The following OSMR variants were observed in gnomAD, a reference collection of about 807,000 sequenced individuals.
The protein encoded by OSMR is oncostatin-M-specific receptor subunit beta.
OSMR carries 81 observed loss-of-function variants against 99.9 expected under a neutral mutation model. That is an observed-to-expected ratio of 0.81 (90% CI 0.68 to 0.97). OSMR has a LOEUF of 0.97. Ranked by LOEUF, OSMR falls within the 50% of genes least tolerant of loss-of-function variation. The pLI is 0.00. For synonymous variants in OSMR, 406 were observed against 410.4 expected, an observed-to-expected ratio of 0.99 and a Z score of 0.13; for missense variants, 1,099 against 1,153.4, an observed-to-expected ratio of 0.95 and a Z score of 0.68.
At chr5:38,927,900 C>A (rs943056310) in intron 15 of OSMR, among the ~76,000 whole-genome samples, 9 of 152,160 alleles carry the variant, frequency 5.9e-5, no homozygotes, top group Non-Finnish European at 1.2e-4. Flanking sequence ...GTAGAAATTT[C>A]TTCTGCCAGA....
At chr5:38,847,156 A>G (rs1739910787) in intron 1 of OSMR, among the ~76,000 whole-genome samples, 1 of 152,240 alleles carries the variant, frequency 6.6e-6, no homozygotes, top group Non-Finnish European at 1.5e-5. Context: ...GCTAGAAGGA[A>G]TTCTGATGGA....
intron 1 of OSMR, among the ~76,000 whole-genome samples, chr5:38,866,243 C>A (rs766291140): frequency 3.9e-5 from 6 of 152,148 alleles, no homozygotes; most frequent in Non-Finnish European, 7.4e-5. Flanking sequence ...TGAATGCTAG[C>A]TGTGGTAGGT....
intron 9 of OSMR, among the ~76,000 whole-genome samples, chr5:38,905,305 A>C (rs1002982202): frequency 2.0e-5 from 3 of 152,104 alleles, no homozygotes; most frequent in Non-Finnish European, 4.4e-5. Context: ...CCTGACCAAC[A>C]TGGTGAAACC....
intron 7 of OSMR, among the ~76,000 whole-genome samples, chr5:38,896,458 G>C (rs1056910972): frequency 6.6e-6 from 1 of 151,608 alleles, no homozygotes; most frequent in Non-Finnish European, 1.5e-5. Context: ...TTTTGCTGTT[G>C]GCATATAGGA....
chr5:38,856,715 C>T (rs916851674), intron 1 of OSMR, among the ~76,000 whole-genome samples: 4 of 152,154 alleles, frequency 2.6e-5, no homozygotes, highest in South Asian at 4.2e-4. Flanking sequence ...GATCATGGCT[C>T]ACTGCACCCT....
chr5:38,888,479 A>G (rs895110524), intron 7 of OSMR, among the ~76,000 whole-genome samples: 2 of 152,154 alleles, frequency 1.3e-5, no homozygotes, highest in African/African-American at 2.4e-5. Flanking sequence ...CAAGACAGGA[A>G]ACATTTCTGG....
intron 1 of OSMR, among the ~76,000 whole-genome samples, chr5:38,852,765 C>G (rs1472345449): frequency 9.8e-6 from 1 of 101,550 alleles, no homozygotes; most frequent in African/African-American, 3.9e-5. Flanking sequence ...GAGTCTCACT[C>G]TTTCGCCCAA....
intron 1 of OSMR, among the ~76,000 whole-genome samples, chr5:38,863,539 G>GA (rs898422485): frequency 2.0e-4 from 30 of 151,396 alleles, no homozygotes; most frequent in East Asian, 5.8e-4. Context: ...TTGTTTCAAA[G>GA]AAAAAAAAAT....
chr5:38,859,658 G>T (rs373036262), intron 1 of OSMR, among the ~76,000 whole-genome samples: 1 of 152,200 alleles, frequency 6.6e-6, no homozygotes, highest in African/African-American at 2.4e-5. Flanking sequence ...TTTTGATAGG[G>T]ATTGCATTGA....
intron 9 of OSMR, among the ~76,000 whole-genome samples, chr5:38,905,706 C>T (rs536195953): frequency 6.6e-6 from 1 of 152,190 alleles, no homozygotes; most frequent in Non-Finnish European, 1.5e-5. Flanking sequence ...CAGCCTGACA[C>T]CAGAGCTCCA....
chr5:38,935,877 G>A (rs892254433), downstream of OSMR, among the ~76,000 whole-genome samples: 3 of 152,120 alleles, frequency 2.0e-5, no homozygotes, highest in Non-Finnish European at 4.4e-5. Flanking sequence ...AAGTCTTTCT[G>A]AAATATAACA....
chr5:38,857,381 T>A (rs1740934666), intron 1 of OSMR, among the ~76,000 whole-genome samples: 2 of 152,154 alleles, frequency 1.3e-5, no homozygotes. Flanking sequence ...TCAAAGTGAG[T>A]GTCATTTTGG....
intron 1 of OSMR, among the ~76,000 whole-genome samples, chr5:38,864,970 C>G (rs781630404): frequency 2.0e-5 from 3 of 152,302 alleles, no homozygotes; most frequent in African/African-American, 4.8e-5. Context: ...CTTTCTCTCT[C>G]TGTCTGTCGC....
At position 38,924,497 on chromosome 5, in the gene OSMR, C is replaced by T. The variant is rs1041849638; in HGVS notation, c.1946C>T (p.Ser649Phe). Residue 649 changes from serine (S) to phenylalanine (F), a missense_variant, in exon 14 of 18, where the codon TCT (serine) becomes TTT (phenylalanine). Transcript: ENST00000274276. ...HSFTLSWKDY[S>F]TESQPGFIQG... ...TTCACTCTGAGTTGGAAAGATTACT[C>T]TACTGAATCTCAACCTGGTTTTATA... The T allele has an allele frequency of 1.2e-6, 2 of 1,613,906 alleles. No individual in the cohort carries two copies. Among genetic ancestry groups the T allele is most frequent in the Admixed American group, 1.7e-5 (1 of 60,006 alleles).
At chr5:38,874,890 C>T (rs188393036) in intron 2 of OSMR, among the ~76,000 whole-genome samples, 1 of 152,206 alleles carries the variant, frequency 6.6e-6, no homozygotes, top group Admixed American at 6.5e-5. Flanking sequence ...AAGTAAAGAC[C>T]CTAGCACTGT....
At position 38,875,288 on chromosome 5, in the gene OSMR, G is replaced by A. The variant is rs76168266; in HGVS notation, c.74-913G>A. Among the ~76,000 whole-genome samples, 28 of 152,302 alleles carry A rather than the reference G, an allele frequency of 1.8e-4. No individual in the cohort carries two copies. The East Asian group carries it at 5.4e-3, about 29-fold the overall frequency. On this transcript the variant is annotated intron_variant, in intron 2 of 17. Transcript: ENST00000274276. ...ACAATTATTTTACAATCTATATGGT[G>A]TTTTCCTCCTCTTAAGTGGAAAGTC...
At position 38,932,735 on chromosome 5, in the gene OSMR, C is replaced by T. The variant is rs1172006406; in HGVS notation, c.2368-137C>T. 10 of 1,523,806 alleles carry T rather than the reference C, an allele frequency of 6.6e-6. No individual in the cohort carries two copies. The South Asian group carries it at 1.3e-4, about 19-fold the overall frequency. The allele number at this position is 1,523,806 out of a possible 1,614,324, so 94.4% of individuals were successfully genotyped here. ...GGAAATCTTTTGGTTTTCAACATCA[C>T]CTCCAGGTTACTTGTGACCAGGAAG... On this transcript the variant is annotated intron_variant, in intron 17 of 17. Coordinates refer to ENST00000274276, the MANE Select transcript of OSMR (RefSeq NM_003999.3).
chr5:38,944,159 T>G, intron 1 of OSMR: 2 of 490,318 alleles, frequency 4.1e-6, no homozygotes, highest in South Asian at 3.3e-5. Context: ...TTTCCAAAAG[T>G]AAAAAAGTGA....
At chr5:38,944,510 G>C in intron 2 of OSMR, 1 of 1,612,176 alleles carries the variant, frequency 6.2e-7, no homozygotes, top group Non-Finnish European at 8.5e-7. Context: ...ACTAATCTTA[G>C]AACTTCTTTG....
Sources: allele counts gnomAD v4.1 joint callset (sites outside exome capture counted in the v4.1 genomes callset), GRCh38; gene constraint gnomAD v4.1.1; transcripts MANE v1.5; gene names NCBI Gene and HGNC (gene_info 2026-07-23, HGNC 2026-07-21).